The following MID1 variants were observed in gnomAD, a reference collection of about 807,000 sequenced individuals.
MID1 encodes midline 1.
MID1 carries 7 observed loss-of-function variants against 40.4 expected under a neutral mutation model. The ratio of observed to expected loss-of-function variants is 0.17; its 90% CI spans 0.10 to 0.33. The LOEUF is 0.33. Ranked by LOEUF, MID1 falls within the 10% of genes least tolerant of loss-of-function variation. The pLI is 1.00. For synonymous variants in MID1, 229 were observed against 221.2 expected, an observed-to-expected ratio of 1.04 and a Z score of -0.31; for missense variants, 367 against 558.5, an observed-to-expected ratio of 0.66 and a Z score of 3.46.
intron 1 of MID1, among the ~76,000 whole-genome samples, chrX:10,722,439 G>C (rs1329425185): frequency 2.7e-5 from 3 of 111,795 alleles, no homozygotes; most frequent in African/African-American, 9.8e-5. Context: ...TCCAGTGGGG[G>C]AAAGCAAAAA....
chrX:10,456,156 C>A (rs988267172), intron 8 of MID1, among the ~76,000 whole-genome samples: 1 of 112,303 alleles, frequency 8.9e-6, no homozygotes, highest in Non-Finnish European at 1.9e-5. Context: ...CGATGCTGGG[C>A]GAGAAACTGA....
chrX:10,573,470 C>T (rs1482256131), intron 1 of MID1, among the ~76,000 whole-genome samples: 1 of 111,982 alleles, frequency 8.9e-6, no homozygotes, highest in African/African-American at 3.3e-5. Context: ...GAACTGACTA[C>T]CTCAAGAAGG....
chrX:10,505,990 G>A (rs1462419223), intron 3 of MID1: 8 of 757,549 alleles, frequency 1.1e-5, no homozygotes, highest in Non-Finnish European at 1.2e-5. Context: ...TGAAATACAC[G>A]TGATTACGTC....
intron 1 of MID1, among the ~76,000 whole-genome samples, chrX:10,693,439 G>A (rs1229519043): frequency 2.8e-5 from 3 of 108,853 alleles, no homozygotes; most frequent in African/African-American, 1.0e-4. Flanking sequence ...TAATTCTCTT[G>A]CCTCAGCTTC....
At chrX:10,485,955 T>C (rs1393633761) in intron 4 of MID1, among the ~76,000 whole-genome samples, 3 of 111,933 alleles carry the variant, frequency 2.7e-5, no homozygotes, top group African/African-American at 6.5e-5. Flanking sequence ...AAGTCTACCA[T>C]AGATCTCTGT....
chrX:10,728,035 G>C (rs2043407435), intron 1 of MID1, among the ~76,000 whole-genome samples: 1 of 112,344 alleles, frequency 8.9e-6, no homozygotes, highest in Non-Finnish European at 1.9e-5. Flanking sequence ...GTATTATTGA[G>C]TGGTTCTTTG....
intron 1 of MID1, among the ~76,000 whole-genome samples, chrX:10,829,936 T>C: frequency 8.9e-6 from 1 of 112,259 alleles, no homozygotes; most frequent in Admixed American, 9.5e-5. Context: ...AGTTACCTAG[T>C]ACTATGGAAA....
intron 1 of MID1, among the ~76,000 whole-genome samples, chrX:10,737,879 T>C (rs758443766): frequency 7.0e-4 from 77 of 109,565 alleles, no homozygotes; most frequent in African/African-American, 2.4e-3. Context: ...AAGAGGAAGA[T>C]GGAAAAAGAG....
intron 1 of MID1, among the ~76,000 whole-genome samples, chrX:10,584,031 A>G (rs1323587677): frequency 1.9e-5 from 2 of 103,203 alleles, no homozygotes; most frequent in African/African-American, 3.5e-5. Flanking sequence ...ACTCCATCTA[A>G]AAAAAAAAAA....
At chrX:10,640,100 G>C (rs893358245) in intron 1 of MID1, among the ~76,000 whole-genome samples, 2 of 111,820 alleles carry the variant, frequency 1.8e-5, no homozygotes, top group Non-Finnish European at 3.8e-5. Flanking sequence ...GGAAGAAACT[G>C]CATCAACTAA....
chrX:10,634,306 T>C (rs1569133623), intron 1 of MID1, among the ~76,000 whole-genome samples: 1 of 111,987 alleles, frequency 8.9e-6, no homozygotes, highest in Non-Finnish European at 1.9e-5. Flanking sequence ...AAGTCCCATA[T>C]GTAAGAATCT....
chrX:10,825,016 T>G (rs1192792481), intron 1 of MID1, among the ~76,000 whole-genome samples: 3 of 111,767 alleles, frequency 2.7e-5, no homozygotes, highest in Non-Finnish European at 5.6e-5. Flanking sequence ...AACATAAGTG[T>G]TTAGATAACT....
At chrX:10,476,189 G>C (rs1929999649) in intron 5 of MID1, among the ~76,000 whole-genome samples, 1 of 111,885 alleles carries the variant, frequency 8.9e-6, no homozygotes, top group Admixed American at 9.5e-5. Context: ...ACAGGGAGTA[G>C]ATTGGTGGTT....
chrX:10,505,752 C>T (rs1191634327), intron 3 of MID1: 1 of 750,809 alleles, frequency 1.3e-6, no homozygotes, highest in Non-Finnish European at 1.6e-6. Context: ...GAGGAAACCT[C>T]TACTCTATGA....
intron 1 of MID1, among the ~76,000 whole-genome samples, chrX:10,806,739 C>T (rs1002276833): frequency 1.8e-5 from 2 of 111,950 alleles, no homozygotes; most frequent in African/African-American, 6.5e-5. Context: ...TTGTATGAAA[C>T]AATTTAGAAA....
At chrX:10,740,762 A>G (rs891281156) in intron 1 of MID1, among the ~76,000 whole-genome samples, 1 of 111,298 alleles carries the variant, frequency 9.0e-6, no homozygotes, top group African/African-American at 3.3e-5. Flanking sequence ...TTATTATTGT[A>G]TCAAGGCGTG....
intron 1 of MID1, among the ~76,000 whole-genome samples, chrX:10,638,421 C>T (rs1369042090): frequency 8.9e-6 from 1 of 112,033 alleles, no homozygotes; most frequent in Non-Finnish European, 1.9e-5. Flanking sequence ...GCACAGCAAT[C>T]TGAGATCGAA....
chrX:10,596,785 A>G (rs1464907238), intron 1 of MID1, among the ~76,000 whole-genome samples: 1 of 112,349 alleles, frequency 8.9e-6, no homozygotes, highest in Non-Finnish European at 1.9e-5. Flanking sequence ...CAAAGTAAAT[A>G]GGACTAAGGG....
At position 10,657,997 on chromosome X, in the gene MID1, T is replaced by C. The variant is rs1305502340; in HGVS notation, c.-186-37578A>G. 3.6e-5 allele frequency among the ~76,000 whole-genome samples: 4 copies of C among 111,425 alleles called. No individual in the cohort carries two copies. The Admixed American group carries it at 3.8e-4, about 11-fold the overall frequency. ...ATGAGTCTTTGCTTGTACATAGAAA[T>C]TAAATATTACACATGTTTACACTCC... On this transcript the variant is annotated intron_variant, in intron 1 of 10. Coordinates refer to the MID1 transcript ENST00000380785.
Sources: gnomAD v4.1 joint callset for allele counts (sites outside exome capture counted in the v4.1 genomes callset) on GRCh38, gnomAD v4.1.1 for gene constraint, MANE v1.5 for transcripts, NCBI Gene and HGNC (gene_info 2026-07-23, HGNC 2026-07-21) for gene names.